CLCN4: variants seen among roughly 807,000 people sequenced by gnomAD.
The protein encoded by CLCN4 is H(+)/Cl(-) exchange transporter 4.
In CLCN4, 1 loss-of-function variant was observed where a neutral mutation model predicts 41.7. The observed-to-expected ratio is 0.02, with a 90% CI of 0.01 to 0.11. CLCN4 has a LOEUF of 0.11. Ranked by LOEUF, CLCN4 falls within the 10% of genes least tolerant of loss-of-function variation. The pLI is 1.00. For missense variants in CLCN4, 287 were observed against 661.0 expected, an observed-to-expected ratio of 0.43 and a Z score of 6.20; for synonymous variants, 277 against 285.8, an observed-to-expected ratio of 0.97 and a Z score of 0.31.
Position 10,233,786 on chromosome X carries a change from C to A in CLCN4, c.*202C>A. On this transcript the variant is annotated 3_prime_UTR_variant, in exon 13 of 13. Coordinates refer to ENST00000380833, the MANE Select transcript of CLCN4 (RefSeq NM_001830.4). The stretch of plus-strand genomic sequence containing the variant: ...AGTAGGCATTTTATAGCTTTAACCC[C>A]GTATGAGTTTCAAGCTGTGTTTCCT... 1 of 398,171 alleles carries A rather than the reference C, an allele frequency of 2.5e-6. No individual in the cohort carries two copies. 32.8% of individuals were successfully genotyped at this position (398,171 alleles called of 1,213,427 possible).
At chrX:10,207,000 A>T (rs527758295) in intron 8 of CLCN4, among the ~76,000 whole-genome samples, 2 of 109,666 alleles carry the variant, frequency 1.8e-5, no homozygotes, top group African/African-American at 6.7e-5. Flanking sequence ...GCTCACTACA[A>T]CCTCCGCTTC....
At chrX:10,222,918 C>T (rs1343325761) in intron 12 of CLCN4, among the ~76,000 whole-genome samples, 1 of 111,598 alleles carries the variant, frequency 9.0e-6, no homozygotes, top group Non-Finnish European at 1.9e-5. Context: ...ATAAATGAGT[C>T]CTTGTGTTTG....
At chrX:10,228,988 G>A (rs1925056880) in intron 12 of CLCN4, among the ~76,000 whole-genome samples, 1 of 111,750 alleles carries the variant, frequency 8.9e-6, no homozygotes, top group Non-Finnish European at 1.9e-5. Flanking sequence ...GGCCCAGGAT[G>A]CTGCTGTATG....
intron 2 of CLCN4, among the ~76,000 whole-genome samples, chrX:10,160,199 C>T (rs773574761): frequency 2.7e-5 from 3 of 111,486 alleles, no homozygotes; most frequent in South Asian, 3.8e-4. Context: ...TTGAGATGAT[C>T]TCGAAATATT....
intron 2 of CLCN4, among the ~76,000 whole-genome samples, chrX:10,170,697 T>A (rs1323835104): frequency 1.8e-5 from 2 of 111,328 alleles, no homozygotes; most frequent in African/African-American, 6.5e-5. Context: ...CTGGTAATGC[T>A]GATGCACGTT....
At chrX:10,194,467 G>A (rs779504867) in intron 4 of CLCN4, among the ~76,000 whole-genome samples, 1 of 112,069 alleles carries the variant, frequency 8.9e-6, no homozygotes, top group East Asian at 2.8e-4. Flanking sequence ...ACTCATTTAT[G>A]ATGTGAGGCC....
Position 10,217,650 on chromosome X carries a change from T to A in CLCN4, c.1976-3011T>A, listed in dbSNP as rs142537475. ...GAAATTTCTCTTACCCATACTTTATTATTTACCATCTCTACATCTGGCATA... is the reference window on the plus strand; with the variant it reads ...GAAATTTCTCTTACCCATACTTTATAATTTACCATCTCTACATCTGGCATA... On this transcript the variant is annotated intron_variant, in intron 11 of 12. Coordinates refer to ENST00000380833, the MANE Select transcript of CLCN4 (RefSeq NM_001830.4). Among the ~76,000 whole-genome samples, 456 of 112,238 alleles carry A rather than the reference T, an allele frequency of 4.1e-3. 2 individuals are homozygous for A. The highest frequency in any genetic ancestry group is 0.014 in the African/African-American group (427 of 30,908).
At chrX:10,204,613 CTTTTTTTTT>C (rs61453535) in intron 6 of CLCN4, among the ~76,000 whole-genome samples, 289 of 27,301 alleles carry the variant, frequency 0.011, 4 homozygotes, top group African/African-American at 0.02. Flanking sequence ...AGCTAGTAGT[CTTTTTTTTT>C]TTTTTTTTTT....
rs184709565 is a variant in CLCN4 at position 10,202,099 on chromosome X, G to A, written c.555+4038G>A. 2.1e-3 allele frequency among the ~76,000 whole-genome samples: 239 copies of A among 112,344 alleles called. 1 individual carries two copies. The highest frequency in any genetic ancestry group is 0.014 in the Admixed American group (146 of 10,623). Reference sequence around the variant, plus strand: ...TGCCTGTAATCCCAGCACTTTCAGAGGCCAAGGTGGGAAGATTGCTTGAGC... The same window carrying A: ...TGCCTGTAATCCCAGCACTTTCAGAAGCCAAGGTGGGAAGATTGCTTGAGC... On this transcript the variant is annotated intron_variant, in intron 6 of 12. Coordinates refer to ENST00000380833, the MANE Select transcript of CLCN4 (RefSeq NM_001830.4).
At position 10,181,039 on chromosome X, in the gene CLCN4, A is replaced by G. The variant is rs138128836; in HGVS notation, c.-11-3983A>G. ...GGTGAGGATGGTCTTGCTGAGTCCA[A>G]TGAGACCCCAGTACCAGGATAGATA... is the stretch of plus-strand genomic sequence containing the variant. On this transcript the variant is annotated intron_variant, in intron 2 of 12. Transcript: ENST00000380833. Among the ~76,000 whole-genome samples, 983 of 110,181 alleles carry G rather than the reference A, an allele frequency of 8.9e-3. 33 individuals are homozygous for G. Among genetic ancestry groups the G allele is most frequent in the Admixed American group, 0.077 (787 of 10,280 alleles).
chrX:10,205,751 G>T (rs112408952), intron 6 of CLCN4, among the ~76,000 whole-genome samples: 5,121 of 107,761 alleles, frequency 0.048, 148 homozygotes, highest in Middle Eastern at 0.077. Flanking sequence ...AGGACCACAG[G>T]TGCATGTCAT....
At position 10,233,472 on chromosome X, in the gene CLCN4, C is replaced by G. The variant is rs750269020; in HGVS notation, c.2193-22C>G. The G allele has an allele frequency of 9.5e-6, 11 of 1,152,117 alleles. No homozygotes were observed. The Admixed American group carries it at 2.4e-4, about 25-fold the overall frequency. 94.9% of individuals were successfully genotyped at this position (1,152,117 alleles called of 1,213,427 possible). On this transcript the variant is annotated intron_variant, in intron 12 of 12. Coordinates refer to ENST00000380833, the MANE Select transcript of CLCN4 (RefSeq NM_001830.4). ...CGTCGTTTCAAGGCTGACCTCTTTT[C>G]TCTATTTTGTTTCTTCTCCAGGAGA...
At chrX:10,164,380 C>T (rs1179722209) in intron 2 of CLCN4, among the ~76,000 whole-genome samples, 1 of 111,781 alleles carries the variant, frequency 8.9e-6, no homozygotes, top group African/African-American at 3.3e-5. Context: ...AGGGGGCAGG[C>T]CATCCTGGAA....
At chrX:10,227,603 C>T (rs1925020086) in intron 12 of CLCN4, among the ~76,000 whole-genome samples, 1 of 111,584 alleles carries the variant, frequency 9.0e-6, no homozygotes, top group Non-Finnish European at 1.9e-5. Context: ...CATTAATCAC[C>T]ACAATTTTAG....
intron 2 of CLCN4, among the ~76,000 whole-genome samples, chrX:10,170,331 G>A (rs1006872909): frequency 6.3e-5 from 7 of 111,729 alleles, no homozygotes; most frequent in Non-Finnish European, 1.1e-4. Flanking sequence ...AGTAACATAA[G>A]CCTTTGCCCT....
intron 6 of CLCN4, among the ~76,000 whole-genome samples, chrX:10,201,006 G>A (rs1428526516): frequency 8.9e-6 from 1 of 112,442 alleles, no homozygotes; most frequent in African/African-American, 3.2e-5. Context: ...TGTTTCTTAT[G>A]TGACAAAAGT....
intron 12 of CLCN4, among the ~76,000 whole-genome samples, chrX:10,222,192 C>T (rs549434548): frequency 3.6e-5 from 4 of 112,151 alleles, no homozygotes; most frequent in African/African-American, 9.7e-5. Context: ...ATGCAAAGAT[C>T]GAGGGTCCAC....
At chrX:10,171,053 A>G (rs1057220253) in intron 2 of CLCN4, among the ~76,000 whole-genome samples, 4 of 111,008 alleles carry the variant, frequency 3.6e-5, no homozygotes, top group African/African-American at 9.8e-5. Flanking sequence ...ATGCTTGGCT[A>G]ATTTTTGTAT....
In CLCN4 at chrX:10,235,576, C is replaced by G. The variant is rs1312151082; in HGVS notation, c.*1992C>G. ...TCCCCACCCCTTTTCTCAGATTTGA[C>G]CTAGAATTCCCAGCCCAAATCCATA... On this transcript the variant is annotated 3_prime_UTR_variant, in exon 13 of 13. Coordinates refer to ENST00000380833, the MANE Select transcript of CLCN4 (RefSeq NM_001830.4). The G allele has an allele frequency of 9.0e-6, 1 of 111,556 alleles. No homozygotes were observed. The highest frequency in any genetic ancestry group is 3.3e-5 in the African/African-American group (1 of 30,705). The allele number at this position is 111,556 out of a possible 1,213,427, so 9.2% of individuals were successfully genotyped here. A position where few individuals can be genotyped will look rare whatever the true frequency, so the allele number is the denominator to read the frequency against.
Sources: gnomAD v4.1 joint callset for allele counts (sites outside exome capture counted in the v4.1 genomes callset) on GRCh38, gnomAD v4.1.1 for gene constraint, MANE v1.5 for transcripts, NCBI Gene and HGNC (gene_info 2026-07-23, HGNC 2026-07-21) for gene names.